The following ANXA6 variants were observed in gnomAD, a reference collection of about 807,000 sequenced individuals.
ANXA6 encodes the protein 67 kDa calelectrin.
A neutral mutation model predicts 95.4 loss-of-function variants in ANXA6; 71 were observed. The ratio of observed to expected loss-of-function variants is 0.74; its 90% CI spans 0.61 to 0.91. The LOEUF is 0.91. Ranked by LOEUF, ANXA6 falls within the 40% of genes least tolerant of loss-of-function variation. The probability of loss-of-function intolerance (pLI) is 0.00; values close to 1 mark genes in which losing one functional copy is unlikely to be tolerated. For synonymous variants in ANXA6, 289 were observed against 315.9 expected (o/e 0.91, Z 0.90); for missense variants, 830 against 876.4 (o/e 0.95, Z 0.67).
chr5:151,119,250 G>T, intron 18 of ANXA6, 50 bp downstream of exon 18: 1 of 1,504,126 alleles, frequency 6.6e-7, no homozygotes, highest in Non-Finnish European at 9.2e-7. Flanking sequence ...TTGGAAGTTG[G>T]GGGGCCTGGC....
intron 20 of ANXA6, among the ~76,000 whole-genome samples, chr5:151,115,514 C>T (rs1764973522): frequency 8.4e-6 from 1 of 118,524 alleles, no homozygotes; most frequent in Non-Finnish European, 1.8e-5. Context: ...ATTGGAAGCA[C>T]AGCCTCATTG....
chr5:151,146,666 T>TC (rs922368343), intron 2 of ANXA6, among the ~76,000 whole-genome samples: 13 of 152,246 alleles, frequency 8.5e-5, no homozygotes, highest in African/African-American at 3.1e-4. Flanking sequence ...CGGGGCCCAG[T>TC]CCCATGATTT....
intron 7 of ANXA6, among the ~76,000 whole-genome samples, chr5:151,135,292 C>T (rs781501111): frequency 5.9e-5 from 9 of 152,128 alleles, no homozygotes; most frequent in Non-Finnish European, 7.4e-5. Flanking sequence ...GGATACAAAA[C>T]GCTTGACTCC....
intron 20 of ANXA6, among the ~76,000 whole-genome samples, chr5:151,112,696 C>T (rs538069863): frequency 2.6e-5 from 4 of 152,192 alleles, no homozygotes; most frequent in South Asian, 2.1e-4. Context: ...TGGTGGCGCA[C>T]GCCGTTATTC....
At chr5:151,113,259 G>A (rs988450233) in intron 20 of ANXA6, among the ~76,000 whole-genome samples, 12 of 152,040 alleles carry the variant, frequency 7.9e-5, no homozygotes, top group South Asian at 2.1e-4. Context: ...AAAATTAGCC[G>A]GGTGTGGTGG....
intron 8 of ANXA6, among the ~76,000 whole-genome samples, chr5:151,133,953 A>G (rs1765587750): frequency 6.6e-6 from 1 of 152,190 alleles, no homozygotes; most frequent in Non-Finnish European, 1.5e-5. Flanking sequence ...CCTCAACAAC[A>G]GGGACTATGT....
At chr5:151,142,280 C>G (rs186584444) in intron 2 of ANXA6, among the ~76,000 whole-genome samples, 1 of 152,150 alleles carries the variant, frequency 6.6e-6, no homozygotes, top group Non-Finnish European at 1.5e-5. Context: ...GAGTCAGAGA[C>G]CAGCCTGGCC....
At chr5:151,146,611 C>T (rs913023069) in intron 2 of ANXA6, among the ~76,000 whole-genome samples, 25 of 152,204 alleles carry the variant, frequency 1.6e-4, no homozygotes, top group Admixed American at 4.6e-4. Flanking sequence ...CAGCTTCTGT[C>T]TGTGCATTCT....
chr5:151,140,089 G>A, intron 3 of ANXA6, 64 bp downstream of exon 3: 2 of 1,451,302 alleles, frequency 1.4e-6, no homozygotes. Flanking sequence ...ACCACCAGAA[G>A]GGCTCTGGGC....
At chr5:151,124,486 G>A (rs1226090314) in intron 14 of ANXA6, 119 bp from the exon 15 acceptor site, 7 of 864,394 alleles carry the variant, frequency 8.1e-6, no homozygotes, top group African/African-American at 6.7e-5. Context: ...CGGCGTGGGT[G>A]GGGAAAGAGG....
chr5:151,105,890 A>T (rs1028012055), intron 23 of ANXA6, among the ~76,000 whole-genome samples: 1 of 152,170 alleles, frequency 6.6e-6, no homozygotes, highest in African/African-American at 2.4e-5. Context: ...TTGGTGCCAA[A>T]GTAATTACAA....
At chr5:151,134,585 GC>G in intron 7 of ANXA6, 102 bp from the exon 8 acceptor site, 2 of 1,169,044 alleles carry the variant, frequency 1.7e-6, no homozygotes, top group East Asian at 2.3e-5. Context: ...AACCCTGGTG[GC>G]CCAGATGTGT....
chr5:151,117,224 C>G, intron 19 of ANXA6, 44 bp from the exon 20 acceptor site: 1 of 1,539,846 alleles, frequency 6.5e-7, no homozygotes, highest in Non-Finnish European at 8.8e-7. Flanking sequence ...AAACATCGAC[C>G]CATCTCCATC....
At chr5:151,156,915 C>T (rs1341448546) in intron 1 of ANXA6, among the ~76,000 whole-genome samples, 1 of 152,200 alleles carries the variant, frequency 6.6e-6, no homozygotes, top group African/African-American at 2.4e-5. Context: ...GGGAAAGCCA[C>T]CGCCCAAAGT....
intron 2 of ANXA6, among the ~76,000 whole-genome samples, chr5:151,144,150 T>G (rs1485771939): frequency 6.6e-6 from 1 of 152,152 alleles, no homozygotes; most frequent in East Asian, 1.9e-4. Context: ...GCACAACACC[T>G]AAGTCAGGAC....
rs531570182 is a variant in ANXA6 at position 151,119,168 on chromosome 5, A to G, written c.1438+132T>C. On this transcript the variant is annotated intron_variant, in intron 18 of 25. Transcript: ENST00000354546. ...AGACACAGGGATGGGCACACCCAAG[A>G]GGCTTATCAAATCCTCAAGGACTGA... 4 of 717,786 alleles carry G rather than the reference A, an allele frequency of 5.6e-6. No homozygotes were observed. The East Asian group carries it at 1.1e-4, about 19-fold the overall frequency. The allele number at this position is 717,786 out of a possible 1,614,324, so 44.5% of individuals were successfully genotyped here.
chr5:151,126,253 C>G, intron 14 of ANXA6, 149 bp downstream of exon 14: 1 of 687,704 alleles, frequency 1.5e-6, no homozygotes, highest in Non-Finnish European at 2.6e-6. Flanking sequence ...CAGTTCACCA[C>G]TCCAAGGGAG....
intron 18 of ANXA6, among the ~76,000 whole-genome samples, chr5:151,118,838 G>A (rs1299939710): frequency 1.1e-4 from 16 of 152,160 alleles, no homozygotes; most frequent in African/African-American, 3.9e-4. Context: ...AAAGTGCTGG[G>A]ATTACAGGTG....
Position 151,122,167 on chromosome 5 carries a change from G to A in ANXA6, c.1327C>T (p.Gln443Ter). 6.3e-7 allele frequency: 1 copy of A among 1,596,102 alleles called. No individual in the cohort carries two copies. The highest frequency in any genetic ancestry group is 8.5e-7 in the Non-Finnish European group (1 of 1,173,802). The change falls in exon 17 of 26, where the codon CAG (glutamine) becomes TAG (stop). Residue 443 changes from glutamine to a stop codon, truncating the protein, a stop_gained. Coordinates refer to ENST00000354546, the MANE Select transcript of ANXA6 (RefSeq NM_001155.5). LOFTEE classifies it high-confidence loss of function. ...MMPPAHYDAK[Q>*]LKKAMEGAGT... ...TGTACCTCCATGGCCTTCTTCAACT[G>A]CTTGGCATCGTAATGGGCCGGTGGC...
Sources: allele counts gnomAD v4.1 joint callset (sites outside exome capture counted in the v4.1 genomes callset), GRCh38; gene constraint gnomAD v4.1.1; transcripts MANE v1.5; gene names NCBI Gene and HGNC (gene_info 2026-07-23, HGNC 2026-07-21).